The following RBFOX1 variants were observed in gnomAD, a reference collection of about 807,000 sequenced individuals.
RBFOX1 encodes RNA binding protein fox-1 homolog 1.
Under a neutral mutation model 57.7 loss-of-function variants are expected in RBFOX1, and 8 were observed. The ratio of observed to expected loss-of-function variants is 0.14; its 90% confidence interval spans 0.08 to 0.25. RBFOX1 has a LOEUF of 0.25. RBFOX1 is among the 10% of genes least tolerant of loss of function. The pLI, the probability that RBFOX1 is intolerant of heterozygous loss-of-function variation, is 1.00. For synonymous variants in RBFOX1, 326 were observed against 222.4 expected (o/e 1.47, Z -4.15); for missense variants, 611 against 548.5 (o/e 1.11, Z -1.14).
intron 3 of RBFOX1, among the ~76,000 whole-genome samples, chr16:5,863,975 G>A (rs944929121): frequency 6.6e-6 from 1 of 152,150 alleles, no homozygotes; most frequent in Non-Finnish European, 1.5e-5. Flanking sequence ...TGTGTCATGA[G>A]GGTTTGTTGT....
chr16:7,528,093 G>C (rs1320939367), intron 5 of RBFOX1, among the ~76,000 whole-genome samples: 1 of 152,212 alleles, frequency 6.6e-6, no homozygotes, highest in Admixed American at 6.5e-5. Context: ...GGAAATGACT[G>C]AAGTTTTGTT....
intron 3 of RBFOX1, among the ~76,000 whole-genome samples, chr16:6,878,933 C>T (rs1232250738): frequency 6.6e-6 from 1 of 151,750 alleles, no homozygotes; most frequent in African/African-American, 2.4e-5. Context: ...ATTTTTTTTC[C>T]CCTATGTTAG....
At chr16:5,999,611 C>T (rs10163392) in intron 4 of RBFOX1, among the ~76,000 whole-genome samples, 28 of 152,124 alleles carry the variant, frequency 1.8e-4, no homozygotes, top group Non-Finnish European at 3.4e-4. Flanking sequence ...CCTGTAATCC[C>T]GGCACTTTGG....
intron 1 of RBFOX1, among the ~76,000 whole-genome samples, chr16:5,390,443 T>C (rs1288516378): frequency 6.6e-6 from 1 of 151,914 alleles, no homozygotes; most frequent in Non-Finnish European, 1.5e-5. Flanking sequence ...CGCCCACGAC[T>C]ACACTCGGCT....
At chr16:7,061,945 A>G (rs1437047105) in intron 4 of RBFOX1, among the ~76,000 whole-genome samples, 1 of 152,126 alleles carries the variant, frequency 6.6e-6, no homozygotes, top group Non-Finnish European at 1.5e-5. Context: ...AGGAAGGGGC[A>G]AGTTTCAGTG....
At chr16:6,911,935 C>G (rs930747491) in intron 3 of RBFOX1, among the ~76,000 whole-genome samples, 1 of 152,100 alleles carries the variant, frequency 6.6e-6, no homozygotes, top group Non-Finnish European at 1.5e-5. Flanking sequence ...AAGATTTGGG[C>G]AATACTTGGT....
chr16:5,433,888 G>T (rs1110474), intron 1 of RBFOX1, among the ~76,000 whole-genome samples: 11,851 of 152,224 alleles, frequency 0.078, 616 homozygotes, highest in Middle Eastern at 0.13. Context: ...GACCGAGGAC[G>T]TTAGAGACAA....
At chr16:5,774,308 C>G (rs897371012) in intron 3 of RBFOX1, among the ~76,000 whole-genome samples, 2 of 152,210 alleles carry the variant, frequency 1.3e-5, no homozygotes, top group African/African-American at 4.8e-5. Flanking sequence ...TAATAACACA[C>G]TGGCTTCCTT....
chr16:7,437,884 A>C (rs537425022), intron 4 of RBFOX1, among the ~76,000 whole-genome samples: 1 of 150,512 alleles, frequency 6.6e-6, no homozygotes, highest in East Asian at 2.0e-4. Context: ...AAATGAATAT[A>C]GGGTCATATT....
chr16:6,604,208 A>G (rs1483733296), intron 2 of RBFOX1, among the ~76,000 whole-genome samples: 1 of 152,168 alleles, frequency 6.6e-6, no homozygotes, highest in African/African-American at 2.4e-5. Context: ...CTGGGGAAAA[A>G]AAAAAGAAAA....
At position 7,710,701 on chromosome 16, in the gene RBFOX1, G is replaced by C; in HGVS notation, c.1150G>C (p.Ala384Pro). ...GGGTCTCGTTCTTTCTTCATTGCAG[G>C]CTAGTATATACCGAGGGGGATACAA... ...DVGLVLSSLQ[A>P]SIYRGGYNRF... Residue 384 changes from alanine (A) to proline (P), a missense_variant, in exon 16 of 16, where the codon GCT (alanine) becomes CCT (proline). Around this residue, in one of 3 missense-constraint regions of RBFOX1, gnomAD observed 267 missense variants for 229.1 expected, o/e 1.17. Transcript: ENST00000550418. The C allele has an allele frequency of 6.2e-7, 1 of 1,612,582 alleles. No homozygotes were observed. The highest frequency in any genetic ancestry group is 8.5e-7 in the Non-Finnish European group (1 of 1,179,070).
intron 4 of RBFOX1, among the ~76,000 whole-genome samples, chr16:5,905,738 G>T (rs955820675): frequency 6.6e-6 from 1 of 152,094 alleles, no homozygotes; most frequent in African/African-American, 2.4e-5. Context: ...GCCAAGGAGA[G>T]AGGACTCAGA....
At chr16:6,250,132 C>T (rs1279508231) in intron 1 of RBFOX1, among the ~76,000 whole-genome samples, 1 of 152,172 alleles carries the variant, frequency 6.6e-6, no homozygotes, top group Non-Finnish European at 1.5e-5. Flanking sequence ...TCTCTTCACC[C>T]TGCTTACCTA....
At chr16:5,643,756 T>G (rs7184260) in intron 3 of RBFOX1, among the ~76,000 whole-genome samples, 2 of 152,084 alleles carry the variant, frequency 1.3e-5, no homozygotes, top group Admixed American at 1.3e-4. Flanking sequence ...AGTCACCATT[T>G]TACTGATTCT....
chr16:7,519,018 G>C (rs1424862045), intron 5 of RBFOX1, among the ~76,000 whole-genome samples: 2 of 152,120 alleles, frequency 1.3e-5, no homozygotes, highest in Admixed American at 6.6e-5. Context: ...GTGAAACTCT[G>C]TCTCTAAATA....
chr16:6,671,627 C>T (rs182885829), intron 3 of RBFOX1, among the ~76,000 whole-genome samples: 12 of 152,226 alleles, frequency 7.9e-5, no homozygotes, highest in Non-Finnish European at 1.5e-4. Context: ...CCACCCTTTC[C>T]GCCTGAGTCC....
chr16:6,529,299 A>AT (rs1186552747), intron 2 of RBFOX1, among the ~76,000 whole-genome samples: 3 of 152,170 alleles, frequency 2.0e-5, no homozygotes, highest in African/African-American at 7.2e-5. Context: ...ACGGTGGCTC[A>AT]TGCCTGTAAT....
intron 5 of RBFOX1, among the ~76,000 whole-genome samples, chr16:7,525,682 G>T (rs920694062): frequency 6.6e-6 from 1 of 152,182 alleles, no homozygotes; most frequent in African/African-American, 2.4e-5. Flanking sequence ...ATTGTTGGGT[G>T]TCCTGGAGAA....
chr16:6,344,987 G>A (rs1045152231), intron 2 of RBFOX1, among the ~76,000 whole-genome samples: 1 of 152,194 alleles, frequency 6.6e-6, no homozygotes. Flanking sequence ...ATCTTTGTGA[G>A]CATCAAGTCT....
Sources: gnomAD v4.1 joint callset for allele counts (sites outside exome capture counted in the v4.1 genomes callset) on GRCh38, gnomAD v4.1.1 for gene constraint, gnomAD v4.1.1 regional missense constraint, MANE v1.5 for transcripts, NCBI Gene and HGNC (gene_info 2026-07-23, HGNC 2026-07-21) for gene names.